ABCB11: variants seen among roughly 807,000 people sequenced by gnomAD.
The protein encoded by ABCB11 is bile salt export pump.
In ABCB11, 95 loss-of-function variants were observed where a neutral mutation model predicts 148.0. The observed-to-expected ratio is 0.64, with a 90% CI of 0.54 to 0.76. ABCB11 has a LOEUF of 0.76. Among genes scored for constraint, ABCB11 ranks in the 30% least tolerant of loss-of-function variants. ABCB11 has a pLI of 0.00. For synonymous variants in ABCB11, 591 were observed against 555.4 expected (o/e 1.06, Z -0.90); for missense variants, 1,523 against 1,617.8 (o/e 0.94, Z 1.01).
At chr2:169,003,394 T>C (rs1213196365) in intron 5 of ABCB11, among the ~76,000 whole-genome samples, 2 of 149,154 alleles carry the variant, frequency 1.3e-5, no homozygotes, top group Admixed American at 6.7e-5. Flanking sequence ...TAAAATGTAA[T>C]ATATAGTAAT....
intron 5 of ABCB11, among the ~76,000 whole-genome samples, chr2:169,001,492 T>C (rs550515032): frequency 2.5e-4 from 38 of 152,194 alleles, no homozygotes; most frequent in Middle Eastern, 3.4e-3. Context: ...TGCCTTACTA[T>C]AGTGGGGATG....
chr2:168,997,660 C>T (rs1294643056), intron 5 of ABCB11, among the ~76,000 whole-genome samples: 2 of 152,034 alleles, frequency 1.3e-5, no homozygotes, highest in African/African-American at 2.4e-5. Flanking sequence ...CTTCATCCTA[C>T]ATCCTTTCCG....
At chr2:168,940,010 C>T (rs1220599256) in intron 21 of ABCB11, among the ~76,000 whole-genome samples, 2 of 152,040 alleles carry the variant, frequency 1.3e-5, no homozygotes, top group Non-Finnish European at 2.9e-5. Context: ...CTGACTGCTC[C>T]ACTGACTGGT....
intron 1 of ABCB11, among the ~76,000 whole-genome samples, chr2:169,026,736 C>A (rs1462878431): frequency 1.3e-5 from 2 of 152,154 alleles, no homozygotes; most frequent in African/African-American, 4.8e-5. Flanking sequence ...ACCCATACAT[C>A]AGATGCTGGA....
chr2:168,962,640 T>A (rs924997744), intron 18 of ABCB11, among the ~76,000 whole-genome samples: 7 of 151,686 alleles, frequency 4.6e-5, no homozygotes, highest in African/African-American at 1.7e-4. Context: ...AATGCAAAAA[T>A]TAAATATGAT....
At chr2:169,021,825 C>T (rs1383484233) in intron 1 of ABCB11, among the ~76,000 whole-genome samples, 1 of 151,948 alleles carries the variant, frequency 6.6e-6, no homozygotes, top group Non-Finnish European at 1.5e-5. Flanking sequence ...AGACATTTTT[C>T]AATTACATTT....
At position 168,927,183 on chromosome 2, in the gene ABCB11, C is replaced by G. The variant is rs1454008881; in HGVS notation, c.3591G>C (p.Leu1197=). 7 of 1,613,722 alleles carry G rather than the reference C, an allele frequency of 4.3e-6. No homozygotes were observed. Among genetic ancestry groups the G allele is most frequent in the Admixed American group, 3.3e-5 (2 of 60,004 alleles). ...RVIAAAKQAQ[L]HDFVMSLPEK... ...CTGGGAGTGACATGACAAAATCATGCAGCTGAGCCTGTTTTGCAGCTGCTA... is the reference window on the plus strand; with the variant it reads ...CTGGGAGTGACATGACAAAATCATGGAGCTGAGCCTGTTTTGCAGCTGCTA... The change falls in exon 26 of 28, where the codon CTG becomes CTC. Residue 1197 remains leucine (L), a synonymous_variant. Transcript: ENST00000650372.
chr2:168,952,893 G>T (rs2105925974), intron 19 of ABCB11, among the ~76,000 whole-genome samples: 1 of 150,834 alleles, frequency 6.6e-6, no homozygotes, highest in Admixed American at 6.6e-5. Context: ...CACAGGTTTT[G>T]GTATGTTGTG....
chr2:169,018,759 T>C (rs1230194555), intron 1 of ABCB11, among the ~76,000 whole-genome samples: 1 of 152,186 alleles, frequency 6.6e-6, no homozygotes, highest in Admixed American at 6.5e-5. Context: ...TTCCAGGATA[T>C]AGACACTCGA....
chr2:168,936,536 T>TAC (rs1355286282), intron 21 of ABCB11, 103 bp from the exon 22 acceptor site: 2 of 981,358 alleles, frequency 2.0e-6, no homozygotes, highest in Admixed American at 4.1e-5. Context: ...TGATAAAATA[T>TAC]ACATAACAAT....
intron 18 of ABCB11, among the ~76,000 whole-genome samples, chr2:168,959,927 G>T (rs1448348714): frequency 2.1e-5 from 2 of 96,448 alleles, no homozygotes; most frequent in East Asian, 3.6e-4. Flanking sequence ...GAGCAAGACT[G>T]CATCTCCAAA....
At chr2:168,924,591 A>G in intron 27 of ABCB11, 66 bp downstream of exon 27, 12 of 1,523,772 alleles carry the variant, frequency 7.9e-6, no homozygotes, top group Non-Finnish European at 1.1e-5. Context: ...CCATTTTATT[A>G]AGGACAAATT....
In ABCB11 at chr2:168,923,794, C is replaced by T. The variant is rs1206810848; in HGVS notation, c.3794G>A (p.Arg1265Lys). Residue 1265 changes from arginine (R) to lysine (K), a missense_variant, in exon 28 of 28, where the codon AGA becomes AAA. Arg to Lys is a conservative substitution (Grantham distance 26). Coordinates refer to ENST00000650372, the MANE Select transcript of ABCB11 (RefSeq NM_003742.4). ...KTVQVALDKA[R>K]EGRTCIVIAH... ...AATGACAATGCAGGTCCGACCCTCT[C>T]TGGCTTTGTCTAGAGCAACCTGCAC... is the stretch of plus-strand genomic sequence containing the variant. The T allele has an allele frequency of 1.9e-6, 3 of 1,613,928 alleles. No homozygotes were observed. Among genetic ancestry groups the T allele is most frequent in the Admixed American group, 1.7e-5 (1 of 60,016 alleles).
rs185055129 is a variant in ABCB11 at position 168,922,009 on chromosome 2, C to T, written c.*1613G>A. 0.018 allele frequency among the ~76,000 whole-genome samples: 2,809 copies of T among 151,944 alleles called. 93 individuals are homozygous for T. Among genetic ancestry groups the T allele is most frequent in the African/African-American group, 0.064 (2,642 of 41,434 alleles). ...GACTACAGGCGCCCGCCACCACGCC[C>T]GGCTAATTTTTTTGTATTTTTAGTA... On this transcript the variant is annotated 3_prime_UTR_variant, in exon 28 of 28. Transcript: ENST00000650372.
chr2:168,933,898 C>T (rs938027310), intron 23 of ABCB11, among the ~76,000 whole-genome samples: 1 of 152,016 alleles, frequency 6.6e-6, no homozygotes, highest in Non-Finnish European at 1.5e-5. Context: ...ATTACAGGCA[C>T]ACATCACCAT....
At chr2:168,995,562 C>A (rs1694686898) in intron 6 of ABCB11, 80 bp from the exon 7 acceptor site, 1 of 1,446,488 alleles carries the variant, frequency 6.9e-7, no homozygotes, top group African/African-American at 1.4e-5. Context: ...AAAGTACTTT[C>A]AATACAACAG....
intron 26 of ABCB11, among the ~76,000 whole-genome samples, chr2:168,925,699 C>T (rs1691277998): frequency 6.6e-6 from 1 of 152,182 alleles, no homozygotes; most frequent in Admixed American, 6.5e-5. Flanking sequence ...TTTCCTTTCC[C>T]TGCTTCCCTT....
chr2:168,996,437 T>A (rs1340855553), intron 6 of ABCB11, among the ~76,000 whole-genome samples, 198 bp downstream of exon 6: 1 of 151,756 alleles, frequency 6.6e-6, no homozygotes, highest in Non-Finnish European at 1.5e-5. Flanking sequence ...CTATTATGCA[T>A]CTCTCTGGAC....
chr2:168,996,803 T>A, intron 5 of ABCB11, 81 bp from the exon 6 acceptor site: 1 of 446,404 alleles, frequency 2.2e-6, no homozygotes, highest in African/African-American at 2.2e-5. Context: ...ATAGAGGGAT[T>A]TAAAAAATAT....
Sources: allele counts gnomAD v4.1 joint callset (sites outside exome capture counted in the v4.1 genomes callset), GRCh38; gene constraint gnomAD v4.1.1; transcripts MANE v1.5; gene names NCBI Gene and HGNC (gene_info 2026-07-23, HGNC 2026-07-21).